The following TPR variants were observed in gnomAD, a reference collection of about 807,000 sequenced individuals.
The protein encoded by TPR is translocated promoter region, nuclear basket protein.
TPR carries 51 observed loss-of-function variants against 316.1 expected under a neutral mutation model. That is an observed-to-expected ratio of 0.16 (90% CI 0.13 to 0.20). The LOEUF (loss-of-function observed/expected upper bound fraction) is 0.20. Among genes scored for constraint, TPR ranks in the 10% least tolerant of loss-of-function variants. The probability of loss-of-function intolerance (pLI) is 1.00; values close to 1 mark genes in which losing one functional copy is unlikely to be tolerated. For synonymous variants in TPR, 981 were observed against 914.7 expected, an observed-to-expected ratio of 1.07 and a Z score of -1.31; for missense variants, 2,272 against 2,754.8, an observed-to-expected ratio of 0.82 and a Z score of 3.92.
intron 45 of TPR, among the ~76,000 whole-genome samples, chr1:186,321,176 C>A (rs1483552886): frequency 1.3e-5 from 2 of 152,132 alleles, no homozygotes; most frequent in African/African-American, 4.8e-5. Flanking sequence ...AAGGAAGGAG[C>A]TGAAATTGAT....
In TPR at chr1:186,375,180, C is replaced by A; in HGVS notation, c.-152G>T. The A allele has an allele frequency of 6.5e-7, 1 of 1,535,384 alleles. No individual in the cohort carries two copies. The highest frequency in any genetic ancestry group is 8.8e-7 in the Non-Finnish European group (1 of 1,139,734). The stretch of plus-strand genomic sequence containing the variant: ...GCCCGCCCGCCGGAGACTCCCGCGG[C>A]GGGACCCTGGGAAATCGAGTCCACC... On this transcript the variant is annotated 5_prime_UTR_variant, in exon 1 of 51. Transcript: ENST00000367478.
chr1:186,335,984 G>A (rs1010890372), intron 33 of TPR, among the ~76,000 whole-genome samples: 8 of 152,076 alleles, frequency 5.3e-5, no homozygotes, highest in Admixed American at 1.3e-4. Context: ...AAATCCAACT[G>A]ATTTGACATT....
At chr1:186,326,067 G>A (rs1309561706) in intron 41 of TPR, 37 bp downstream of exon 41, 1 of 1,611,766 alleles carries the variant, frequency 6.2e-7, no homozygotes, top group Non-Finnish European at 8.5e-7. Context: ...AAAGCTCATA[G>A]AAAGAACTAT....
chr1:186,342,772 T>G (rs1658547814), intron 27 of TPR: 1 of 152,162 alleles, frequency 6.6e-6, no homozygotes, highest in Non-Finnish European at 1.5e-5. Context: ...GGTGGTAGTG[T>G]GGGGTAAGGA....
chr1:186,347,263 T>C lies in TPR; in HGVS notation c.2943+29A>G, dbSNP rs111510070. On this transcript the variant is annotated intron_variant, in intron 22 of 50. Transcript: ENST00000367478. Reference sequence around the variant, plus strand: ...AACAAAGTTAACAAATGTGTTGAGATTGAATTCTGAATTCAGAATTATACA... The same window carrying C: ...AACAAAGTTAACAAATGTGTTGAGACTGAATTCTGAATTCAGAATTATACA... 318 of 1,607,820 alleles carry C rather than the reference T, an allele frequency of 2.0e-4. 2 individuals carry two copies. The African/African-American group carries it at 3.1e-3, about 16-fold the overall frequency.
chr1:186,325,829 G>A lies in TPR; in HGVS notation c.6047C>T (p.Thr2016Ile), dbSNP rs1426825832. ...AEGGDGTDPG[T>I]ETEESMGGGE... ...TCCACCCATACTTTCTTCTGTTTCT[G>A]TACCTGGATCAGTCCCATCACCACC... The change falls in exon 42 of 51, where the codon ACA (threonine) becomes ATA (isoleucine). Residue 2016 changes from threonine to isoleucine, a missense_variant. Coordinates refer to ENST00000367478, the MANE Select transcript of TPR (RefSeq NM_003292.3). 6.2e-7 allele frequency: 1 copy of A among 1,613,512 alleles called. No individual in the cohort carries two copies.
Position 186,324,913 on chromosome 1 carries a change from A to G in TPR, c.6112+851T>C, listed in dbSNP as rs184585545. On this transcript the variant is annotated intron_variant, in intron 42 of 50. Coordinates refer to ENST00000367478, the MANE Select transcript of TPR (RefSeq NM_003292.3). Reference sequence around the variant, plus strand: ...ACAAAAAATGTTTCTTAACCTACAAATTGTTTATAAATGTAAATTTTTGTT... The same window carrying G: ...ACAAAAAATGTTTCTTAACCTACAAGTTGTTTATAAATGTAAATTTTTGTT... 3.3e-5 allele frequency among the ~76,000 whole-genome samples: 5 copies of G among 152,250 alleles called. No individual in the cohort carries two copies. In the East Asian group the frequency reaches 9.6e-4, roughly 29 times the overall value.
chr1:186,337,216 C>A, intron 31 of TPR, 60 bp from the exon 32 acceptor site: 1 of 1,517,168 alleles, frequency 6.6e-7, no homozygotes, highest in Non-Finnish European at 8.9e-7. Context: ...TCCATTTCTG[C>A]AAGTTTGTCT....
rs1299293235 is a variant in TPR, at chr1:186,311,849, G to A, written c.*2122C>T. ...TGTCATTTACTTTCGCTTCACAAAT[G>A]TGCATGTCATCCTTGCACAAGGGCC... On this transcript the variant is annotated 3_prime_UTR_variant, in exon 51 of 51. Transcript: ENST00000367478. 1.8e-6 allele frequency: 1 copy of A among 571,326 alleles called. No individual in the cohort carries two copies. The highest frequency in any genetic ancestry group is 3.1e-6 in the Non-Finnish European group (1 of 325,314). The allele number at this position is 571,326 out of a possible 1,614,324, so 35.4% of individuals were successfully genotyped here. A position where few individuals can be genotyped will look rare whatever the true frequency, so the allele number is the denominator to read the frequency against.
At position 186,319,510 on chromosome 1, in the gene TPR, A is replaced by C. The variant is rs376620315; in HGVS notation, c.6569-682T>G. Among the ~76,000 whole-genome samples the C allele has an allele frequency of 7.9e-5, 12 of 152,324 alleles. 1 individual carries two copies. The South Asian group carries it at 1.9e-3, about 24-fold the overall frequency. On this transcript the variant is annotated intron_variant, in intron 46 of 50. Coordinates refer to ENST00000367478, the MANE Select transcript of TPR (RefSeq NM_003292.3). Reference sequence around the variant, plus strand: ...TAAGCCTAGATGCCCAAGTCTAGGAAACTGTATTAACATACAAAGTCACAA... The same window carrying C: ...TAAGCCTAGATGCCCAAGTCTAGGACACTGTATTAACATACAAAGTCACAA...
At chr1:186,315,761 C>T (rs548610617) in intron 49 of TPR, among the ~76,000 whole-genome samples, 1 of 151,312 alleles carries the variant, frequency 6.6e-6, no homozygotes, top group East Asian at 2.0e-4. Context: ...TCCTGCTACT[C>T]TCTGTTCTCA....
chr1:186,318,273 A>G (rs1657666715), intron 48 of TPR, among the ~76,000 whole-genome samples, 174 bp downstream of exon 48: 1 of 151,846 alleles, frequency 6.6e-6, no homozygotes, highest in African/African-American at 2.4e-5. Context: ...GGCTGCACTG[A>G]GCCGAGATCA....
chr1:186,357,403 G>A lies in TPR; in HGVS notation c.1718C>T (p.Ser573Leu). The A allele has an allele frequency of 6.2e-7, 1 of 1,613,570 alleles. No homozygotes were observed. Among genetic ancestry groups the A allele is most frequent in the Non-Finnish European group, 8.5e-7 (1 of 1,179,866 alleles). ...GAGGTATGTGACTACTTACTTGGAT[G>A]AAGTTGTTTCTTGTTCTTCTCTTTC... is the stretch of plus-strand genomic sequence containing the variant. The part of the protein sequence containing the change: ...TREREEQETT[S>L]SKITELQLKL... Residue 573 changes from serine to leucine, a missense_variant, in exon 14 of 51, where the codon TCA (serine) becomes TTA (leucine). Coordinates refer to ENST00000367478, the MANE Select transcript of TPR (RefSeq NM_003292.3).
chr1:186,324,150 C>G (rs1240662309), intron 42 of TPR, among the ~76,000 whole-genome samples: 1 of 152,010 alleles, frequency 6.6e-6, no homozygotes, highest in Non-Finnish European at 1.5e-5. Flanking sequence ...TCTGGTGTTT[C>G]TAAAATGGTT....
At chr1:186,360,729 T>C (rs749224775) in intron 10 of TPR, 36 bp downstream of exon 10, 2 of 1,609,708 alleles carry the variant, frequency 1.2e-6, no homozygotes, top group South Asian at 1.1e-5. Flanking sequence ...AAAGCTGTAG[T>C]ATTTCAACTC....
Position 186,339,707 on chromosome 1 carries a change from T to C in TPR, c.4086A>G (p.Glu1362=), listed in dbSNP as rs1419907904. 1 of 1,604,428 alleles carries C rather than the reference T, an allele frequency of 6.2e-7. No homozygotes were observed. The highest frequency in any genetic ancestry group is 1.3e-5 in the African/African-American group (1 of 74,520). ...EEYRKLLSEK[E]VHTKRIQQLT... is the part of the protein sequence containing the mutation. ...ATTGTTGAATACGCTTAGTATGAACTTCCTTTTCAGAAAGGAGCTTCCGAT... is the reference window on the plus strand; with the variant it reads ...ATTGTTGAATACGCTTAGTATGAACCTCCTTTTCAGAAAGGAGCTTCCGAT... Residue 1362 remains glutamate, a synonymous_variant, in exon 30 of 51, where the codon GAA becomes GAG. Transcript: ENST00000367478.
Position 186,318,741 on chromosome 1 carries a change from G to A in TPR, c.6656C>T (p.Ala2219Val). Residue 2219 changes from alanine to valine, a missense_variant, in exon 47 of 51, where the codon GCA becomes GTA. This residue lies in a region of TPR where 88 missense variants were observed against 176.2 expected (regional missense o/e 0.50). Coordinates refer to ENST00000367478, the MANE Select transcript of TPR (RefSeq NM_003292.3). ...CTGCCTTTGATCCCTACCTGGGGCT[G>A]CTACTTGTAGTGGAGTAGTGGGAAC... ...RSVPTTPLQVAAPVTVFTEST... is the reference protein window; with the variant it reads ...RSVPTTPLQVVAPVTVFTEST... 1 of 1,614,140 alleles carries A rather than the reference G, an allele frequency of 6.2e-7. No individual in the cohort carries two copies. Among genetic ancestry groups the A allele is most frequent in the Non-Finnish European group, 8.5e-7 (1 of 1,180,028 alleles).
In TPR at chr1:186,336,602, T is replaced by C; in HGVS notation, c.4599A>G (p.Gln1533=). The C allele has an allele frequency of 2.5e-6, 4 of 1,613,944 alleles. No individual in the cohort carries two copies. The highest frequency in any genetic ancestry group is 4.5e-5 in the East Asian group (2 of 44,880). The change falls in exon 33 of 51, where the codon CAA becomes CAG. Residue 1533 remains glutamine, a synonymous_variant. Coordinates refer to ENST00000367478, the MANE Select transcript of TPR (RefSeq NM_003292.3). ...GCTGCTCCTCCTGTGTGGTTCTATC[T>C]TGAAGATCCTGACGAAGTCGTGAAA... The part of the protein sequence containing the change: ...SELSRLRQDL[Q]DRTTQEEQLR...
intron 4 of TPR, among the ~76,000 whole-genome samples, 199 bp downstream of exon 4, chr1:186,367,687 T>C (rs1463900498): frequency 2.0e-5 from 3 of 152,238 alleles, no homozygotes; most frequent in African/African-American, 4.8e-5. Context: ...TCTTCACTTG[T>C]GCACTTTCTA....
Sources: gnomAD v4.1 joint callset for allele counts (sites outside exome capture counted in the v4.1 genomes callset) on GRCh38, gnomAD v4.1.1 for gene constraint, gnomAD v4.1.1 regional missense constraint, MANE v1.5 for transcripts, NCBI Gene and HGNC (gene_info 2026-07-23, HGNC 2026-07-21) for gene names.